Variants in TLCD4 observed in about 807,000 individuals in gnomAD.
The protein encoded by TLCD4 is TLC domain containing 4.
Under a neutral mutation model 24.2 loss-of-function variants are expected in TLCD4, and 7 were observed. That is an observed-to-expected ratio of 0.29 (90% confidence interval 0.16 to 0.54). The LOEUF is 0.54. TLCD4 is among the 20% of genes least tolerant of loss of function. The probability of loss-of-function intolerance (pLI) is 0.95; values close to 1 mark genes in which losing one functional copy is unlikely to be tolerated. For missense variants in TLCD4, 259 were observed against 313.9 expected (o/e 0.82, Z 1.32); for synonymous variants, 103 against 106.4 (o/e 0.97, Z 0.20).
chr1:95,186,433 T>C (rs1442305101), intron 6 of TLCD4, among the ~76,000 whole-genome samples: 1 of 152,196 alleles, frequency 6.6e-6, no homozygotes. Flanking sequence ...ATGTGTGTTC[T>C]GAAGTTAACT....
At chr1:95,132,768 G>T (rs949074975) in intron 1 of TLCD4, among the ~76,000 whole-genome samples, 4 of 152,192 alleles carry the variant, frequency 2.6e-5, no homozygotes, top group African/African-American at 9.7e-5. Context: ...GTAGATAGAA[G>T]ATGGTCTGGA....
intron 5 of TLCD4, chr1:95,163,251 A>G (rs550210178): frequency 6.6e-6 from 1 of 151,924 alleles, no homozygotes. Flanking sequence ...CATTCATTTG[A>G]TCTACAATCA....
At chr1:95,172,644 GGTA>G (rs995033428) in intron 5 of TLCD4, among the ~76,000 whole-genome samples, 2 of 152,118 alleles carry the variant, frequency 1.3e-5, no homozygotes, top group Non-Finnish European at 2.9e-5. Context: ...CCTTGTTAAA[GGTA>G]GTTCTTATAA....
chr1:95,143,936 C>A lies in TLCD4; in HGVS notation c.35C>A (p.Thr12Asn). 1 of 1,550,076 alleles carries A rather than the reference C, an allele frequency of 6.5e-7. No individual in the cohort carries two copies. Among genetic ancestry groups the A allele is most frequent in the Middle Eastern group, 1.7e-4 (1 of 5,802 alleles). ...EINTKLLISV[T>N]CISFFTFQLL... ...AACACAAAACTGCTCATCAGTGTTACCTGTATCAGCTTTTTCACCTTTCAG... is the reference window on the plus strand; with the variant it reads ...AACACAAAACTGCTCATCAGTGTTAACTGTATCAGCTTTTTCACCTTTCAG... Residue 12 changes from threonine to asparagine, a missense_variant, in exon 2 of 7, where the codon ACC becomes AAC. Coordinates refer to ENST00000370203, the MANE Select transcript of TLCD4 (RefSeq NM_152487.3).
intron 1 of TLCD4, among the ~76,000 whole-genome samples, chr1:95,123,526 CA>C (rs907863030): frequency 6.6e-6 from 1 of 152,012 alleles, no homozygotes; most frequent in African/African-American, 2.4e-5. Context: ...TAGCTCATTA[CA>C]AAAAAATTAT....
the TLCD4 span, among the ~76,000 whole-genome samples, chr1:95,101,056 C>T: frequency 9.9e-5 from 15 of 151,128 alleles, no homozygotes; most frequent in East Asian, 4.0e-4. Flanking sequence ...TACAGGCGCC[C>T]GCCAATGTGC....
At chr1:95,101,541 G>T in the TLCD4 span, among the ~76,000 whole-genome samples, 2 of 151,668 alleles carry the variant, frequency 1.3e-5, no homozygotes, top group Non-Finnish European at 2.9e-5. Context: ...CCAAGGTGTT[G>T]GGAGCCACAT....
chr1:95,126,938 G>A (rs1018164217), intron 1 of TLCD4, among the ~76,000 whole-genome samples: 2 of 152,224 alleles, frequency 1.3e-5, no homozygotes, highest in African/African-American at 4.8e-5. Flanking sequence ...GGGGCCTGGC[G>A]TGGCAGTGTC....
At chr1:95,175,289 G>A (rs1678381582) in intron 6 of TLCD4, among the ~76,000 whole-genome samples, 1 of 152,130 alleles carries the variant, frequency 6.6e-6, no homozygotes, top group South Asian at 2.1e-4. Flanking sequence ...ATGATACAGT[G>A]TTTATCCTTT....
intron 5 of TLCD4, chr1:95,163,725 AG>A (rs1485235834): frequency 6.6e-6 from 1 of 152,418 alleles, no homozygotes; most frequent in Non-Finnish European, 1.5e-5. Context: ...TCCTTCTAAC[AG>A]GACCTTCAGC....
the TLCD4 span, among the ~76,000 whole-genome samples, chr1:95,097,603 G>C: frequency 1.3e-5 from 2 of 152,236 alleles, no homozygotes; most frequent in African/African-American, 4.8e-5. Flanking sequence ...CACAGGAGTA[G>C]TGTAAATACC....
intron 6 of TLCD4, among the ~76,000 whole-genome samples, chr1:95,174,723 A>C (rs59263520): frequency 6.6e-6 from 1 of 152,128 alleles, no homozygotes. Context: ...TTTTAAATAC[A>C]TACAATGTAA....
At chr1:95,143,555 A>G (rs1166633497) in intron 1 of TLCD4, among the ~76,000 whole-genome samples, 1 of 152,186 alleles carries the variant, frequency 6.6e-6, no homozygotes, top group Non-Finnish European at 1.5e-5. Context: ...CATAAATTTA[A>G]TTGAAATATT....
intron 5 of TLCD4, among the ~76,000 whole-genome samples, chr1:95,160,337 G>A (rs1230602347): frequency 5.9e-5 from 9 of 152,136 alleles, no homozygotes; most frequent in East Asian, 3.8e-4. Flanking sequence ...GAATGCTTGC[G>A]ATTTTTGCAC....
At chr1:95,170,020 A>AT (rs1678150515) in intron 5 of TLCD4, among the ~76,000 whole-genome samples, 1 of 152,250 alleles carries the variant, frequency 6.6e-6, no homozygotes, top group South Asian at 2.1e-4. Context: ...ATACAGTAAG[A>AT]AATTTAGCAA....
intron 2 of TLCD4, among the ~76,000 whole-genome samples, chr1:95,146,438 C>T (rs1247326675): frequency 1.3e-5 from 2 of 151,986 alleles, no homozygotes; most frequent in African/African-American, 4.8e-5. Flanking sequence ...GCAATATTTA[C>T]ACTACTTGTG....
At chr1:95,118,754 C>T (rs1269249348) in intron 1 of TLCD4, among the ~76,000 whole-genome samples, 4 of 152,058 alleles carry the variant, frequency 2.6e-5, no homozygotes, top group African/African-American at 2.4e-5. Flanking sequence ...TTTAATTGTG[C>T]TATATATGAG....
chr1:95,121,937 T>C (rs1247765668), intron 1 of TLCD4, among the ~76,000 whole-genome samples: 1 of 152,222 alleles, frequency 6.6e-6, no homozygotes, highest in African/African-American at 2.4e-5. Context: ...TTAATTCCAG[T>C]ATTTGCCCTG....
chr1:95,112,741 T>C (rs1571713504), upstream of TLCD4, among the ~76,000 whole-genome samples: 1 of 152,346 alleles, frequency 6.6e-6, no homozygotes, highest in East Asian at 1.9e-4. Flanking sequence ...AGTAAGCTAC[T>C]GGAGTCTGTG....
Sources: gnomAD v4.1 joint callset for allele counts (sites outside exome capture counted in the v4.1 genomes callset) on GRCh38, gnomAD v4.1.1 for gene constraint, MANE v1.5 for transcripts, NCBI Gene and HGNC (gene_info 2026-07-23, HGNC 2026-07-21) for gene names.